The following CNBD2 variants were observed in gnomAD, a reference collection of about 807,000 sequenced individuals.
CNBD2 encodes the protein cyclic nucleotide-binding domain-containing protein 2.
A neutral mutation model predicts 63.7 loss-of-function variants in CNBD2; 64 were observed. The ratio of observed to expected loss-of-function variants is 1.00; its 90% confidence interval spans 0.82 to 1.24. The LOEUF (loss-of-function observed/expected upper bound fraction) is 1.24. Ranked by LOEUF, CNBD2 falls within the 50% of genes most tolerant of loss-of-function variation. The pLI is 0.00. For synonymous variants in CNBD2, 229 were observed against 255.4 expected (o/e 0.90, Z 0.99); for missense variants, 691 against 713.5 (o/e 0.97, Z 0.36).
At chr20:35,997,500 C>T (rs913849601) in intron 8 of CNBD2, among the ~76,000 whole-genome samples, 1 of 152,178 alleles carries the variant, frequency 6.6e-6, no homozygotes, top group African/African-American at 2.4e-5. Context: ...TGGTTAGCAG[C>T]ATAGGCTTGG....
chr20:35,975,615 A>G (rs1182120118), intron 2 of CNBD2, among the ~76,000 whole-genome samples: 6 of 151,724 alleles, frequency 4.0e-5, no homozygotes, highest in Non-Finnish European at 7.4e-5. Flanking sequence ...CTTTCTTTTT[A>G]TTCTTCCTTT....
intron 8 of CNBD2, among the ~76,000 whole-genome samples, chr20:36,005,424 T>C (rs2056970951): frequency 6.6e-6 from 1 of 152,136 alleles, no homozygotes. Context: ...CACCTGCCAC[T>C]CATCTCCTGC....
chr20:36,001,585 T>C (rs2056905756), intron 8 of CNBD2, among the ~76,000 whole-genome samples: 1 of 146,588 alleles, frequency 6.8e-6, no homozygotes, highest in African/African-American at 2.6e-5. Flanking sequence ...GCGGAGGGGC[T>C]CCTCACTTCT....
intron 5 of CNBD2, 113 bp from the exon 6 acceptor site, chr20:35,984,514 G>C: frequency 6.1e-6 from 7 of 1,143,138 alleles, no homozygotes. Context: ...GGAACACACA[G>C]TCTGGTGAGG....
rs1044201683 is a variant in CNBD2, at chr20:36,012,870, A to G, written c.1269+1613A>G. Reference sequence around the variant, plus strand: ...TCAATTTCTAAGAAATCCATTATGAAAAGGCTAAATATTGCATGATTCCAA... The same window carrying G: ...TCAATTTCTAAGAAATCCATTATGAGAAGGCTAAATATTGCATGATTCCAA... On this transcript the variant is annotated intron_variant, in intron 10 of 11. Transcript: ENST00000373973. Among the ~76,000 whole-genome samples the G allele has an allele frequency of 2.0e-5, 3 of 152,058 alleles. No individual in the cohort carries two copies. The South Asian group carries it at 6.2e-4, about 31-fold the overall frequency.
At chr20:35,998,852 G>A (rs1265115911) in intron 8 of CNBD2, among the ~76,000 whole-genome samples, 4 of 121,324 alleles carry the variant, frequency 3.3e-5, no homozygotes, top group African/African-American at 1.3e-4. Context: ...CAGTCCGAGC[G>A]ACAGAGCAAG....
At chr20:35,987,362 G>A in intron 6 of CNBD2, 33 bp from the exon 7 acceptor site, 1 of 1,612,976 alleles carries the variant, frequency 6.2e-7, no homozygotes, top group Non-Finnish European at 8.5e-7. Context: ...TTGTGTGATG[G>A]AGTTGATGAA....
At chr20:35,957,184 GC>G (rs1167909246), downstream of CNBD2, among the ~76,000 whole-genome samples, 1 of 152,172 alleles carries the variant, frequency 6.6e-6, no homozygotes, top group African/African-American at 2.4e-5. Flanking sequence ...GACTGGAAGG[GC>G]CCTTAGAAAT....
chr20:35,989,225 C>T (rs569160724), intron 7 of CNBD2, among the ~76,000 whole-genome samples: 1 of 152,336 alleles, frequency 6.6e-6, no homozygotes, highest in African/African-American at 2.4e-5. Flanking sequence ...AAGATATTTT[C>T]AAGAACTTGG....
intron 10 of CNBD2, among the ~76,000 whole-genome samples, chr20:36,016,300 A>G (rs927494513): frequency 3.3e-5 from 5 of 152,210 alleles, no homozygotes; most frequent in Non-Finnish European, 7.3e-5. Context: ...AGATAGTGGA[A>G]TAGAAAAAGG....
intron 10 of CNBD2, among the ~76,000 whole-genome samples, chr20:36,014,980 A>G (rs2147344284): frequency 6.6e-6 from 1 of 152,136 alleles, no homozygotes; most frequent in East Asian, 1.9e-4. Flanking sequence ...ATTCCCACCA[A>G]TAGTGTGTGA....
intron 7 of CNBD2, among the ~76,000 whole-genome samples, chr20:35,991,653 T>A (rs1415149848): frequency 6.6e-6 from 1 of 152,194 alleles, no homozygotes; most frequent in Non-Finnish European, 1.5e-5. Context: ...TTAATCAGCA[T>A]AATGATTACA....
chr20:35,988,246 A>C (rs567442103), intron 7 of CNBD2, among the ~76,000 whole-genome samples: 17 of 152,146 alleles, frequency 1.1e-4, no homozygotes, highest in African/African-American at 3.9e-4. Context: ...GGCTCACTGC[A>C]ACCTCTGCCT....
chr20:36,027,361 C>G (rs1017107633), intron 11 of CNBD2, among the ~76,000 whole-genome samples: 1 of 152,194 alleles, frequency 6.6e-6, no homozygotes, highest in African/African-American at 2.4e-5. Flanking sequence ...GTGAGATCTT[C>G]ATGACCTTGA....
chr20:35,984,528 G>C, intron 5 of CNBD2, 99 bp from the exon 6 acceptor site: 1 of 1,303,326 alleles, frequency 7.7e-7, no homozygotes, highest in East Asian at 2.4e-5. Flanking sequence ...GGTGAGGAGA[G>C]AATTCAGGGG....
chr20:35,987,561 G>A (rs1309550026), intron 7 of CNBD2, 28 bp downstream of exon 7: 1 of 1,613,136 alleles, frequency 6.2e-7, no homozygotes, highest in African/African-American at 1.3e-5. Flanking sequence ...TGGGATGAGG[G>A]TGAACCTCTG....
intron 7 of CNBD2, among the ~76,000 whole-genome samples, chr20:35,989,990 A>C (rs2056723577): frequency 6.6e-6 from 1 of 152,240 alleles, no homozygotes; most frequent in Admixed American, 6.5e-5. Context: ...AGGGTAATAC[A>C]TACTGAAAAC....
chr20:36,023,062 C>T (rs2057238511), intron 10 of CNBD2, among the ~76,000 whole-genome samples: 1 of 152,200 alleles, frequency 6.6e-6, no homozygotes, highest in Admixed American at 6.5e-5. Flanking sequence ...AGTGAGATTG[C>T]TGGAGTGGGA....
intron 2 of CNBD2, among the ~76,000 whole-genome samples, chr20:35,963,243 G>A (rs2056321367): frequency 6.6e-6 from 1 of 151,740 alleles, no homozygotes; most frequent in Non-Finnish European, 1.5e-5. Flanking sequence ...TGGAGGCTGA[G>A]GTGAGAGGAT....
Sources: gnomAD v4.1 joint callset for allele counts (sites outside exome capture counted in the v4.1 genomes callset) on GRCh38, gnomAD v4.1.1 for gene constraint, MANE v1.5 for transcripts, NCBI Gene and HGNC (gene_info 2026-07-23, HGNC 2026-07-21) for gene names.